ASIP: variants seen among roughly 807,000 people sequenced by gnomAD.
ASIP encodes the protein agouti-signaling protein.
A neutral mutation model predicts 10.3 loss-of-function variants in ASIP; 11 were observed. The observed-to-expected ratio is 1.07, with a 90% CI of 0.68 to 1.78. The LOEUF (loss-of-function observed/expected upper bound fraction) is 1.78. ASIP is among the 40% of genes most tolerant of loss of function. The probability of loss-of-function intolerance (pLI) is 0.00; values close to 1 mark genes in which losing one functional copy is unlikely to be tolerated. For synonymous variants in ASIP, 70 were observed against 70.8 expected (o/e 0.99, Z 0.06); for missense variants, 180 against 169.2 (o/e 1.06, Z -0.35).
At chr20:34,197,957 A>C (rs2034869214) in intron 1 of ASIP, among the ~76,000 whole-genome samples, 1 of 152,190 alleles carries the variant, frequency 6.6e-6, no homozygotes, top group African/African-American at 2.4e-5. Context: ...ATTCTTGTAG[A>C]TACCATGACA....
intron 1 of ASIP, among the ~76,000 whole-genome samples, chr20:34,195,422 G>A: frequency 6.6e-6 from 1 of 152,198 alleles, no homozygotes; most frequent in Non-Finnish European, 1.5e-5. Flanking sequence ...CACGATGAAG[G>A]TAAGGAGTGC....
intron 1 of ASIP, among the ~76,000 whole-genome samples, chr20:34,254,928 T>C (rs2035542783): frequency 6.6e-6 from 1 of 152,188 alleles, no homozygotes; most frequent in African/African-American, 2.4e-5. Context: ...TCAGTCCAAC[T>C]GTATGGTTCT....
At chr20:34,225,711 A>G (rs1387522331) in intron 1 of ASIP, among the ~76,000 whole-genome samples, 1 of 152,106 alleles carries the variant, frequency 6.6e-6, no homozygotes, top group Non-Finnish European at 1.5e-5. Flanking sequence ...GTCTCTCAGT[A>G]GAGTTTATAG....
At chr20:34,201,626 G>A (rs903701880) in intron 1 of ASIP, among the ~76,000 whole-genome samples, 2 of 152,148 alleles carry the variant, frequency 1.3e-5, no homozygotes, top group African/African-American at 4.8e-5. Context: ...TGATAGATTC[G>A]GGTGCGAGTG....
chr20:34,268,776 G>C (rs561462522), intron 3 of ASIP, among the ~76,000 whole-genome samples: 1 of 151,846 alleles, frequency 6.6e-6, no homozygotes, highest in Non-Finnish European at 1.5e-5. Flanking sequence ...ACACAAACTA[G>C]GGAGAAGACG....
At chr20:34,192,817 A>G (rs973036455), upstream of ASIP, among the ~76,000 whole-genome samples, 3 of 152,148 alleles carry the variant, frequency 2.0e-5, no homozygotes, top group South Asian at 2.1e-4. Flanking sequence ...AAACATTTAA[A>G]AAAATTTTAT....
At chr20:34,245,182 A>G (rs1211904848) in intron 1 of ASIP, among the ~76,000 whole-genome samples, 2 of 151,466 alleles carry the variant, frequency 1.3e-5, no homozygotes, top group Non-Finnish European at 2.9e-5. Flanking sequence ...AAAAATACAA[A>G]AATTAGCTGG....
intron 1 of ASIP, among the ~76,000 whole-genome samples, chr20:34,201,017 C>CTTCCTTCCTTCCTTCCTTCCTTCCTTCT (rs751841818): frequency 5.0e-4 from 32 of 63,390 alleles, no homozygotes; most frequent in Non-Finnish European, 7.4e-4. Context: ...TCCTTCCTTC[C>CTTCCTTCCTTCCTTCCTTCCTTCCTTCT]TTCTTTCTTT....
chr20:34,214,262 A>T (rs896761391), intron 1 of ASIP: 1 of 1,409,428 alleles, frequency 7.1e-7, no homozygotes, highest in Non-Finnish European at 1.0e-6. Context: ...CACTGGAATG[A>T]CGCAGACCTC....
In ASIP at chr20:34,251,427, C is replaced by T. The variant is rs207477539; in HGVS notation, c.-10-8938C>T. 3.3e-5 allele frequency among the ~76,000 whole-genome samples: 5 copies of T among 151,926 alleles called. No individual in the cohort carries two copies. The South Asian group carries it at 6.2e-4, about 19-fold the overall frequency. On this transcript the variant is annotated intron_variant, in intron 1 of 3. Coordinates refer to ENST00000374954, the MANE Select transcript of ASIP (RefSeq NM_001672.3). ...CTGGGACTACAGGTGCCCGCCACCA[C>T]GCCCGGCTGATTTTTTTTTGTATTT...
Position 34,241,480 on chromosome 20 carries a change from G to A in ASIP, c.-20G>A, listed in dbSNP as rs184116634. 2.1e-5 allele frequency: 21 copies of A among 985,404 alleles called. No individual in the cohort carries two copies. Among genetic ancestry groups the A allele is most frequent in the East Asian group, 2.3e-4 (2 of 8,816 alleles). 61.0% of individuals were successfully genotyped at this position (985,404 alleles called of 1,614,324 possible). ...AAGTTCCTTGGCCTGGGCTCTTTGC[G>A]GGAAAGCATGTGAGTTTAGATGGCA... On this transcript the variant is annotated 5_prime_UTR_variant, in exon 1 of 4. Coordinates refer to ENST00000374954, the MANE Select transcript of ASIP (RefSeq NM_001672.3).
At chr20:34,268,862 G>A (rs1270516270) in intron 3 of ASIP, 129 bp from the exon 4 acceptor site, 11 of 1,171,342 alleles carry the variant, frequency 9.4e-6, no homozygotes, top group African/African-American at 3.1e-5. Context: ...AGCGGGCGGT[G>A]GGCGGTGGGC....
intron 1 of ASIP, chr20:34,214,096 C>A: frequency 8.5e-7 from 1 of 1,172,708 alleles, no homozygotes; most frequent in Non-Finnish European, 1.3e-6. Context: ...ATTTGATCAT[C>A]GCTGCTCAGG....
chr20:34,234,610 T>G (rs1344934284), intron 1 of ASIP, among the ~76,000 whole-genome samples: 1 of 152,094 alleles, frequency 6.6e-6, no homozygotes, highest in Non-Finnish European at 1.5e-5. Context: ...TAAACCAGCC[T>G]GACCAACATG....
chr20:34,264,894 C>T (rs2035758751), intron 3 of ASIP, among the ~76,000 whole-genome samples: 1 of 148,944 alleles, frequency 6.7e-6, no homozygotes, highest in Non-Finnish European at 1.5e-5. Flanking sequence ...CTCCCAGGCT[C>T]AAGTGATCCT....
chr20:34,261,226 G>A (rs1019896548), intron 2 of ASIP, among the ~76,000 whole-genome samples: 1 of 152,174 alleles, frequency 6.6e-6, no homozygotes, highest in Non-Finnish European at 1.5e-5. Context: ...GGCTGGGTGA[G>A]GTGGCTCACA....
In ASIP at chr20:34,260,433, C is replaced by A. The variant is rs765660531; in HGVS notation, c.59C>A (p.Ala20Asp). 17 of 1,614,168 alleles carry A rather than the reference C, an allele frequency of 1.1e-5. 1 individual carries two copies. In the South Asian group the frequency reaches 1.5e-4, roughly 15 times the overall value. ...CTGGTCTTCCTCTGCTTCTTCACTG[C>A]CAACAGCCACCTGCCACCTGAGGAG... ...TLLVFLCFFT[A>D]NSHLPPEEKL... The change falls in exon 2 of 4, where the codon GCC becomes GAC. Residue 20 changes from alanine to aspartate, a missense_variant. Ala to Asp is a moderately radical substitution (Grantham distance 126, BLOSUM62 -2). Transcript: ENST00000374954.
At chr20:34,248,230 T>C (rs1487807160) in intron 1 of ASIP, among the ~76,000 whole-genome samples, 1 of 151,668 alleles carries the variant, frequency 6.6e-6, no homozygotes, top group African/African-American at 2.4e-5. Context: ...CCTCTGAAGG[T>C]ATGTCTAGAA....
intron 1 of ASIP, among the ~76,000 whole-genome samples, chr20:34,196,753 C>T (rs567437993): frequency 6.6e-6 from 1 of 152,232 alleles, no homozygotes; most frequent in African/African-American, 2.4e-5. Flanking sequence ...CCTTAGAGGT[C>T]TGCATTTTGC....
Sources: gnomAD v4.1 joint callset for allele counts (sites outside exome capture counted in the v4.1 genomes callset) on GRCh38, gnomAD v4.1.1 for gene constraint, MANE v1.5 for transcripts, NCBI Gene and HGNC (gene_info 2026-07-23, HGNC 2026-07-21) for gene names.